CHCHD6: variants seen among roughly 807,000 people sequenced by gnomAD.
The protein encoded by CHCHD6 is coiled-coil-helix-coiled-coil-helix domain containing 6.
CHCHD6 carries 28 observed loss-of-function variants against 32.3 expected under a neutral mutation model. The ratio of observed to expected loss-of-function variants is 0.87; its 90% confidence interval spans 0.64 to 1.19. The LOEUF (loss-of-function observed/expected upper bound fraction) is 1.19. CHCHD6 is among the 50% of genes most tolerant of loss of function. CHCHD6 has a pLI of 0.00. For missense variants in CHCHD6, 333 were observed against 307.0 expected, an observed-to-expected ratio of 1.08 and a Z score of -0.63; for synonymous variants, 122 against 117.5, an observed-to-expected ratio of 1.04 and a Z score of -0.25.
chr3:126,927,071 G>C (rs1409608300), intron 6 of CHCHD6, among the ~76,000 whole-genome samples: 1 of 152,150 alleles, frequency 6.6e-6, no homozygotes, highest in Non-Finnish European at 1.5e-5. Context: ...GAGGATCAGG[G>C]TGATCTCTGA....
chr3:126,731,682 C>T (rs956796187), intron 3 of CHCHD6, among the ~76,000 whole-genome samples: 3 of 152,040 alleles, frequency 2.0e-5, no homozygotes, highest in Non-Finnish European at 4.4e-5. Context: ...CATGGTTGGG[C>T]GTTTGCCCTC....
intron 4 of CHCHD6, among the ~76,000 whole-genome samples, chr3:126,842,072 G>A (rs966414917): frequency 3.3e-5 from 5 of 152,100 alleles, no homozygotes; most frequent in African/African-American, 1.2e-4. Flanking sequence ...AACAAAATGC[G>A]ATCCCGTCTC....
intron 5 of CHCHD6, among the ~76,000 whole-genome samples, chr3:126,885,701 C>T (rs2077670540): frequency 6.6e-6 from 1 of 152,212 alleles, no homozygotes; most frequent in Admixed American, 6.5e-5. Flanking sequence ...CTGCTGTCAA[C>T]AGCTTCTGAA....
At chr3:126,862,555 T>G (rs1460570462) in intron 5 of CHCHD6, among the ~76,000 whole-genome samples, 1 of 118,764 alleles carries the variant, frequency 8.4e-6, no homozygotes. Context: ...CACCTCCTCC[T>G]CCTCCACCAT....
At chr3:126,802,313 T>G (rs2107691215) in intron 4 of CHCHD6, among the ~76,000 whole-genome samples, 1 of 152,300 alleles carries the variant, frequency 6.6e-6, no homozygotes, top group South Asian at 2.1e-4. Flanking sequence ...TTGAAAATGT[T>G]GAAAAAAATT....
intron 6 of CHCHD6, among the ~76,000 whole-genome samples, chr3:126,934,067 AC>A (rs1440693551): frequency 6.6e-6 from 1 of 152,204 alleles, no homozygotes; most frequent in Non-Finnish European, 1.5e-5. Context: ...AGGTCTGAGA[AC>A]CTGGATTGAG....
intron 4 of CHCHD6, among the ~76,000 whole-genome samples, chr3:126,849,220 C>T (rs1466874026): frequency 1.3e-5 from 2 of 152,246 alleles, no homozygotes; most frequent in Admixed American, 6.5e-5. Flanking sequence ...GCTTCAGGCC[C>T]CCGCTTGTGC....
chr3:126,832,154 G>A (rs934070954), intron 4 of CHCHD6, among the ~76,000 whole-genome samples: 1 of 152,166 alleles, frequency 6.6e-6, no homozygotes, highest in East Asian at 1.9e-4. Context: ...GAGGCAAGGC[G>A]GCTCTGCCAG....
At chr3:126,862,611 C>T (rs1941971243) in intron 5 of CHCHD6, among the ~76,000 whole-genome samples, 1 of 135,644 alleles carries the variant, frequency 7.4e-6, no homozygotes. Flanking sequence ...CCATCACCAC[C>T]TCCCCCTCCT....
intron 6 of CHCHD6, among the ~76,000 whole-genome samples, chr3:126,928,890 G>A (rs887773257): frequency 6.6e-6 from 1 of 152,196 alleles, no homozygotes; most frequent in African/African-American, 2.4e-5. Flanking sequence ...TCATTCATGT[G>A]TGGTCACCCT....
At chr3:126,849,731 G>C (rs530712192) in intron 4 of CHCHD6, among the ~76,000 whole-genome samples, 1 of 152,280 alleles carries the variant, frequency 6.6e-6, no homozygotes, top group South Asian at 2.1e-4. Flanking sequence ...TTATTTATCT[G>C]CACACACATT....
chr3:126,763,924 T>C (rs1269706073), intron 4 of CHCHD6, among the ~76,000 whole-genome samples: 2 of 152,174 alleles, frequency 1.3e-5, no homozygotes, highest in Admixed American at 1.3e-4. Flanking sequence ...ATGTACATAA[T>C]GCTGAAATTG....
chr3:126,905,660 G>T lies in CHCHD6; in HGVS notation c.496-9020G>T, dbSNP rs745848286. Among the ~76,000 whole-genome samples the T allele has an allele frequency of 2.0e-5, 3 of 152,246 alleles. 1 individual carries two copies. The highest frequency in any genetic ancestry group is 4.1e-4 in the South Asian group (2 of 4,822). On this transcript the variant is annotated intron_variant, in intron 5 of 7. Coordinates refer to ENST00000290913, the MANE Select transcript of CHCHD6 (RefSeq NM_032343.3). ...GATGGAGCAGCGGGGTGGCCAGGAT[G>T]GGGGGTGTGTGAGGTGCGTCCTTGT...
intron 5 of CHCHD6, among the ~76,000 whole-genome samples, chr3:126,892,082 C>T (rs1006357361): frequency 6.6e-6 from 1 of 152,178 alleles, no homozygotes; most frequent in African/African-American, 2.4e-5. Context: ...CATGTTTTTT[C>T]TCATGGGGAC....
chr3:126,902,907 G>T (rs548032064), intron 5 of CHCHD6, among the ~76,000 whole-genome samples: 2 of 152,230 alleles, frequency 1.3e-5, no homozygotes, highest in South Asian at 2.1e-4. Context: ...TGCTGCTGGC[G>T]TGGAAGCCAT....
chr3:126,814,764 C>G (rs1423500641), intron 4 of CHCHD6, among the ~76,000 whole-genome samples: 1 of 152,184 alleles, frequency 6.6e-6, no homozygotes, highest in Non-Finnish European at 1.5e-5. Flanking sequence ...CTGTGAGCCA[C>G]TCCATCAAAT....
chr3:126,892,926 TTTTG>T (rs1025082050), intron 5 of CHCHD6, among the ~76,000 whole-genome samples: 13 of 152,118 alleles, frequency 8.5e-5, no homozygotes. Flanking sequence ...GTTTTTTTGT[TTTTG>T]TTTTTCTTTT....
At chr3:126,905,452 A>C (rs928990786) in intron 5 of CHCHD6, among the ~76,000 whole-genome samples, 2 of 152,234 alleles carry the variant, frequency 1.3e-5, no homozygotes, top group Non-Finnish European at 2.9e-5. Context: ...GCTTGGAAAC[A>C]GCAAGGCATT....
chr3:126,952,862 G>A (rs572678588), intron 6 of CHCHD6, among the ~76,000 whole-genome samples: 58 of 152,258 alleles, frequency 3.8e-4, no homozygotes, highest in African/African-American at 1.0e-3. Flanking sequence ...GGTCTCAGCC[G>A]ACAGGGTGGG....
Sources: allele counts gnomAD v4.1 joint callset (sites outside exome capture counted in the v4.1 genomes callset), GRCh38; gene constraint gnomAD v4.1.1; transcripts MANE v1.5; gene names NCBI Gene and HGNC (gene_info 2026-07-23, HGNC 2026-07-21).